The following SLC5A12 variants were observed in gnomAD, a reference collection of about 807,000 sequenced individuals.
SLC5A12 encodes the protein solute carrier family 5 member 12.
Under a neutral mutation model 72.7 loss-of-function variants are expected in SLC5A12, and 46 were observed. That is an observed-to-expected ratio of 0.63 (90% CI 0.50 to 0.81). The LOEUF is 0.81. SLC5A12 is among the 30% of genes least tolerant of loss of function. SLC5A12 has a pLI of 0.00. For missense variants in SLC5A12, 683 were observed against 740.7 expected (o/e 0.92, Z 0.90); for synonymous variants, 275 against 264.4 (o/e 1.04, Z -0.39).
chr11:26,673,427 A>G lies in SLC5A12; in HGVS notation c.1682T>C (p.Val561Ala), dbSNP rs755125875. ...CTGCTCTGTCCCACTGTCATGCTGA[A>G]CTCCACACCAGCATAGTGTTTTGTA... ...KKYKTLCWCG[V>A]QHDSGTEQEN... is the part of the protein sequence containing the mutation. Residue 561 changes from valine (V) to alanine (A), a missense_variant, in exon 14 of 15, where the codon GTT becomes GCT. By Grantham distance (64) the Val-to-Ala change is moderately conservative. Coordinates refer to ENST00000396005, the MANE Select transcript of SLC5A12 (RefSeq NM_178498.4). 15 of 1,607,136 alleles carry G rather than the reference A, an allele frequency of 9.3e-6. No individual in the cohort carries two copies. The highest frequency in any genetic ancestry group is 1.7e-5 in the Admixed American group (1 of 59,088).
intron 4 of SLC5A12, among the ~76,000 whole-genome samples, chr11:26,708,067 C>T (rs940610663): frequency 2.6e-5 from 4 of 152,048 alleles, no homozygotes; most frequent in Admixed American, 2.6e-4. Flanking sequence ...AAGTCAGCCT[C>T]ATGCATCCTT....
chr11:26,673,444 T>C lies in SLC5A12; in HGVS notation c.1665A>G (p.Thr555=), dbSNP rs1416467441. The change falls in exon 14 of 15, where the codon ACA becomes ACG. Residue 555 remains threonine, a synonymous_variant. Transcript: ENST00000396005. The part of the protein sequence containing the change: ...LFCFWSKKYK[T]LCWCGVQHDS... ...CATGCTGAACTCCACACCAGCATAG[T>C]GTTTTGTACTTCTTAGACCAAAAGC... 1.9e-6 allele frequency: 3 copies of C among 1,611,112 alleles called. No individual in the cohort carries two copies. The highest frequency in any genetic ancestry group is 2.5e-6 in the Non-Finnish European group (3 of 1,178,598).
chr11:26,698,952 T>G (rs781018068), intron 6 of SLC5A12, among the ~76,000 whole-genome samples: 9 of 152,202 alleles, frequency 5.9e-5, no homozygotes, highest in Non-Finnish European at 7.3e-5. Flanking sequence ...AGAGAGATAA[T>G]GAGCTAACAC....
chr11:26,701,684 T>A (rs1565196610), intron 6 of SLC5A12, among the ~76,000 whole-genome samples: 2 of 152,328 alleles, frequency 1.3e-5, no homozygotes, highest in African/African-American at 4.8e-5. Flanking sequence ...CCTAACTAGA[T>A]AACAATAAGT....
chr11:26,712,595 TA>T, intron 2 of SLC5A12, 45 bp downstream of exon 2: 1 of 1,418,528 alleles, frequency 7.0e-7, no homozygotes, highest in Non-Finnish European at 9.7e-7. Context: ...AACCTATATC[TA>T]GTAACCTCAC....
chr11:26,671,236 C>T lies in SLC5A12; in HGVS notation c.1723G>A (p.Gly575Ser). 1 of 1,600,516 alleles carries T rather than the reference C, an allele frequency of 6.2e-7. No homozygotes were observed. The highest frequency in any genetic ancestry group is 1.1e-5 in the South Asian group (1 of 88,764). Residue 575 changes from glycine (G) to serine (S), a missense_variant, in exon 15 of 15, where the codon GGC (glycine) becomes AGC (serine). Physicochemically the swap from Gly to Ser is moderately conservative, Grantham distance 56. Transcript: ENST00000396005. ...SGTEQENLEN[G>S]SARKQGAESV... ...TCAGCCCCCTGTTTCCGGGCACTGC[C>T]ATTCTCAAGGTTTTCCTGAGGGAAA... is the stretch of plus-strand genomic sequence containing the variant.
rs979202035 is a variant in SLC5A12 at position 26,670,969 on chromosome 11, T to C, written c.*133A>G. The C allele has an allele frequency of 2.8e-6, 2 of 713,058 alleles. No homozygotes were observed. Among genetic ancestry groups the C allele is most frequent in the Non-Finnish European group, 4.3e-6 (2 of 463,832 alleles). 44.2% of individuals were successfully genotyped at this position (713,058 alleles called of 1,614,324 possible). On this transcript the variant is annotated 3_prime_UTR_variant, in exon 15 of 15. Transcript: ENST00000396005. ...GCATGTAGTTATAAATAAGTAGAAA[T>C]AGGCACCAGACATCCCTGTCTTCTA...
Position 26,703,857 on chromosome 11 carries a change from G to C in SLC5A12, c.616C>G (p.His206Asp). 1 of 1,613,946 alleles carries C rather than the reference G, an allele frequency of 6.2e-7. No homozygotes were observed. Among genetic ancestry groups the C allele is most frequent in the South Asian group, 1.1e-5 (1 of 91,084 alleles). ...FLTVLIQGST[H>D]AGGFHNVLEQ... Reference sequence around the variant, plus strand: ...AATACATTGTGGAATCCCCCAGCATGAGTTGATCCTTGAATGAGAACCGTT... The same window carrying C: ...AATACATTGTGGAATCCCCCAGCATCAGTTGATCCTTGAATGAGAACCGTT... The change falls in exon 5 of 15, where the codon CAT becomes GAT. Residue 206 changes from histidine to aspartate, a missense_variant. Physicochemically the swap from His to Asp is moderately conservative, Grantham distance 81. Coordinates refer to ENST00000396005, the MANE Select transcript of SLC5A12 (RefSeq NM_178498.4).
At chr11:26,683,698 A>C in intron 11 of SLC5A12, 59 bp downstream of exon 11, 1 of 1,384,176 alleles carries the variant, frequency 7.2e-7, no homozygotes, top group Non-Finnish European at 1.0e-6. Context: ...GAGAGGAGAG[A>C]GAAAACGGCT....
intron 8 of SLC5A12, among the ~76,000 whole-genome samples, chr11:26,693,464 C>G (rs1169213808): frequency 6.6e-6 from 1 of 152,160 alleles, no homozygotes; most frequent in Non-Finnish European, 1.5e-5. Context: ...ACTTTCCAAT[C>G]AGAGCTCAAT....
chr11:26,688,873 C>T (rs1004572517), intron 9 of SLC5A12, among the ~76,000 whole-genome samples: 1 of 152,020 alleles, frequency 6.6e-6, no homozygotes. Flanking sequence ...AATGGAAACA[C>T]GTACACAAGA....
intron 13 of SLC5A12, among the ~76,000 whole-genome samples, chr11:26,674,429 T>C (rs1051482900): frequency 2.6e-5 from 4 of 151,836 alleles, no homozygotes; most frequent in African/African-American, 9.7e-5. Flanking sequence ...AGACAGAGTC[T>C]CATGCTATTG....
At position 26,711,295 on chromosome 11, in the gene SLC5A12, CT is replaced by C; in HGVS notation, c.457+11del. On this transcript the variant is annotated intron_variant, in intron 3 of 14. Coordinates refer to ENST00000396005, the MANE Select transcript of SLC5A12 (RefSeq NM_178498.4). ...AATGGTAAAATATGCCAAGAGAATG[CT>C]GATAACTCACCTTGATTGAGTGCCA... 6.2e-7 allele frequency: 1 copy of C among 1,609,412 alleles called. No homozygotes were observed. Among genetic ancestry groups the C allele is most frequent in the Non-Finnish European group, 8.5e-7 (1 of 1,176,486 alleles).
At chr11:26,692,736 A>G (rs61877325) in intron 8 of SLC5A12, 135 bp from the exon 9 acceptor site, 9,445 of 600,900 alleles carry the variant, frequency 0.016, 101 homozygotes, top group Non-Finnish European at 0.021. Context: ...ATCTTCTGAG[A>G]CTCCATGGGA....
At chr11:26,675,780 C>A (rs867835823) in intron 13 of SLC5A12, among the ~76,000 whole-genome samples, 1 of 152,182 alleles carries the variant, frequency 6.6e-6, no homozygotes, top group Middle Eastern at 3.4e-3. Context: ...TGGGCACAAG[C>A]CCCAAAACTC....
At chr11:26,692,012 ATTAGTTTGCAGGGGT>A (rs1854689146) in intron 9 of SLC5A12, 1 of 155,466 alleles carries the variant, frequency 6.4e-6, no homozygotes. Flanking sequence ...GATTGATGTG[ATTAGTTTGCAGGGGT>A]GTCCAATCTT....
chr11:26,721,738 G>A lies in SLC5A12; in HGVS notation c.-24C>T, dbSNP rs376975706. 13 of 1,592,822 alleles carry A rather than the reference G, an allele frequency of 8.2e-6. No individual in the cohort carries two copies. The highest frequency in any genetic ancestry group is 1.1e-5 in the Non-Finnish European group (13 of 1,168,254). ...ATATTGGAAAGTATGACACCAGAGA[G>A]TTTCTTTCAACGAGGTCTCAGGAAG... On this transcript the variant is annotated 5_prime_UTR_variant, in exon 1 of 15. Transcript: ENST00000396005.
At chr11:26,691,790 T>C (rs1347622480) in intron 9 of SLC5A12, 1 of 152,228 alleles carries the variant, frequency 6.6e-6, no homozygotes, top group African/African-American at 2.4e-5. Context: ...TTATCTCTGA[T>C]AAGTGCTGAA....
intron 1 of SLC5A12, among the ~76,000 whole-genome samples, chr11:26,714,699 C>G (rs527580811): frequency 2.6e-5 from 4 of 152,070 alleles, no homozygotes; most frequent in Non-Finnish European, 5.9e-5. Flanking sequence ...CAAGGATTGA[C>G]AATCAATTTA....
Sources: gnomAD v4.1 joint callset for allele counts (sites outside exome capture counted in the v4.1 genomes callset) on GRCh38, gnomAD v4.1.1 for gene constraint, MANE v1.5 for transcripts, NCBI Gene and HGNC (gene_info 2026-07-23, HGNC 2026-07-21) for gene names.